Variants in LRRTM4 observed in about 807,000 individuals in gnomAD.
The protein encoded by LRRTM4 is leucine-rich repeat transmembrane neuronal protein 4.
Under a neutral mutation model 47.6 loss-of-function variants are expected in LRRTM4, and 25 were observed. The observed-to-expected ratio is 0.53, with a 90% CI of 0.38 to 0.73. LRRTM4 has a LOEUF of 0.73. Among genes scored for constraint, LRRTM4 ranks in the 30% least tolerant of loss-of-function variants. The pLI is 0.00. For synonymous variants in LRRTM4, 311 were observed against 269.5 expected (o/e 1.15, Z -1.51); for missense variants, 638 against 713.4 (o/e 0.89, Z 1.20).
intron 3 of LRRTM4, among the ~76,000 whole-genome samples, chr2:77,325,830 T>A (rs558776630): frequency 2.8e-4 from 42 of 152,290 alleles, no homozygotes; most frequent in Non-Finnish European, 3.2e-4. Context: ...CCATTATGGA[T>A]CATTTTTAAA....
chr2:77,335,254 A>T (rs1671120745), intron 3 of LRRTM4, among the ~76,000 whole-genome samples: 1 of 152,220 alleles, frequency 6.6e-6, no homozygotes, highest in Non-Finnish European at 1.5e-5. Flanking sequence ...TAAGCATAAA[A>T]ATTATTAGCT....
At chr2:76,895,654 T>A (rs1247667989) in intron 3 of LRRTM4, among the ~76,000 whole-genome samples, 4 of 151,968 alleles carry the variant, frequency 2.6e-5, no homozygotes, top group Non-Finnish European at 5.9e-5. Flanking sequence ...ACTCTTCAGG[T>A]TGCGCAACTA....
intron 3 of LRRTM4, among the ~76,000 whole-genome samples, chr2:77,033,766 T>C (rs1478079133): frequency 6.6e-6 from 1 of 151,874 alleles, no homozygotes; most frequent in East Asian, 1.9e-4. Flanking sequence ...ATGCTATATA[T>C]GTGGCTTGTT....
intron 3 of LRRTM4, among the ~76,000 whole-genome samples, chr2:76,994,581 C>T (rs1573419827): frequency 6.6e-6 from 1 of 151,810 alleles, no homozygotes; most frequent in Non-Finnish European, 1.5e-5. Flanking sequence ...AACCTATTTG[C>T]TTGTAAATAG....
intron 3 of LRRTM4, among the ~76,000 whole-genome samples, chr2:77,072,800 C>CAAAAAAAAA (rs373786120): frequency 8.9e-5 from 7 of 78,736 alleles, no homozygotes; most frequent in Admixed American, 3.6e-4. Context: ...CTCCGTCTTC[C>CAAAAAAAAA]AAAAAAAAAA....
chr2:77,233,907 C>G (rs1355013095), intron 3 of LRRTM4, among the ~76,000 whole-genome samples: 2 of 152,168 alleles, frequency 1.3e-5, no homozygotes, highest in Non-Finnish European at 2.9e-5. Context: ...AAGCGAGTCT[C>G]CCACCTCAGC....
chr2:76,839,226 T>C (rs1001216731), intron 3 of LRRTM4, among the ~76,000 whole-genome samples: 4 of 151,894 alleles, frequency 2.6e-5, no homozygotes, highest in Non-Finnish European at 5.9e-5. Flanking sequence ...GTCAATGAGG[T>C]AGAGAGATAC....
intron 3 of LRRTM4, among the ~76,000 whole-genome samples, chr2:77,458,952 C>T (rs975750123): frequency 2.0e-5 from 3 of 151,670 alleles, no homozygotes; most frequent in Non-Finnish European, 4.4e-5. Context: ...GAAATCATGC[C>T]CTTTGTTTCT....
intron 3 of LRRTM4, among the ~76,000 whole-genome samples, chr2:77,472,397 G>T (rs1295307308): frequency 6.6e-6 from 1 of 152,146 alleles, no homozygotes; most frequent in African/African-American, 2.4e-5. Flanking sequence ...GTTGTTACCA[G>T]AGGCTCACAG....
rs1206752517 is a variant in LRRTM4, at chr2:77,176,291, G to C, written c.1551+342027C>G. Among the ~76,000 whole-genome samples the C allele has an allele frequency of 3.3e-5, 5 of 152,224 alleles. No individual in the cohort carries two copies. The East Asian group carries it at 7.7e-4, about 24-fold the overall frequency. ...TTCATACTGGTCACCCATCACTTTA[G>C]ATGCCATTTCTGACCTCCGTTAAGG... On this transcript the variant is annotated intron_variant, in intron 3 of 3. Coordinates refer to ENST00000409884, the MANE Select transcript of LRRTM4 (RefSeq NM_001134745.3).
chr2:77,329,411 G>T (rs1670891038), intron 3 of LRRTM4, among the ~76,000 whole-genome samples: 1 of 152,192 alleles, frequency 6.6e-6, no homozygotes, highest in East Asian at 1.9e-4. Context: ...TATCCGTGAA[G>T]AATACTACCA....
At chr2:76,778,623 T>A (rs1419370835) in intron 3 of LRRTM4, among the ~76,000 whole-genome samples, 1 of 152,208 alleles carries the variant, frequency 6.6e-6, no homozygotes, top group Admixed American at 6.5e-5. Flanking sequence ...TTATCATTTT[T>A]TACTGCATCC....
At chr2:77,389,063 G>A (rs1224991269) in intron 3 of LRRTM4, among the ~76,000 whole-genome samples, 1 of 151,986 alleles carries the variant, frequency 6.6e-6, no homozygotes, top group Non-Finnish European at 1.5e-5. Context: ...AAATATTAGT[G>A]TATTCACAGG....
At chr2:76,982,582 C>T (rs1220023519) in intron 3 of LRRTM4, among the ~76,000 whole-genome samples, 1 of 151,862 alleles carries the variant, frequency 6.6e-6, no homozygotes, top group Non-Finnish European at 1.5e-5. Flanking sequence ...GAAGAGTCAC[C>T]AGACTGGGTG....
intron 3 of LRRTM4, among the ~76,000 whole-genome samples, chr2:77,227,486 A>G (rs1421915651): frequency 6.6e-6 from 1 of 152,094 alleles, no homozygotes; most frequent in Non-Finnish European, 1.5e-5. Context: ...AGGTGAAGCA[A>G]TTATGATTTT....
intron 3 of LRRTM4, among the ~76,000 whole-genome samples, chr2:77,318,311 ACT>A (rs1677679863): frequency 6.6e-6 from 1 of 151,702 alleles, no homozygotes; most frequent in Non-Finnish European, 1.5e-5. Flanking sequence ...CGGCCCCAAC[ACT>A]CTTATTTTTA....
intron 3 of LRRTM4, among the ~76,000 whole-genome samples, chr2:77,131,833 A>G (rs1446334966): frequency 1.3e-5 from 2 of 152,214 alleles, no homozygotes; most frequent in African/African-American, 2.4e-5. Flanking sequence ...GAGCTGCTGT[A>G]ACAAAATAAC....
At chr2:77,068,326 A>G (rs1357337281) in intron 3 of LRRTM4, among the ~76,000 whole-genome samples, 1 of 152,164 alleles carries the variant, frequency 6.6e-6, no homozygotes. Flanking sequence ...ACATACCATA[A>G]AAGTCACCTT....
chr2:77,173,688 A>G, intron 3 of LRRTM4, among the ~76,000 whole-genome samples: 1 of 152,148 alleles, frequency 6.6e-6, no homozygotes, highest in South Asian at 2.1e-4. Context: ...TGCAGCCTAA[A>G]ACTCCTGGGC....
Sources: gnomAD v4.1 joint callset for allele counts (sites outside exome capture counted in the v4.1 genomes callset) on GRCh38, gnomAD v4.1.1 for gene constraint, MANE v1.5 for transcripts, NCBI Gene and HGNC (gene_info 2026-07-23, HGNC 2026-07-21) for gene names.